LRIF1: variants seen among roughly 807,000 people sequenced by gnomAD.
LRIF1 encodes ligand-dependent nuclear receptor-interacting factor 1.
Under a neutral mutation model 52.7 loss-of-function variants are expected in LRIF1, and 32 were observed. The observed-to-expected ratio is 0.61, with a 90% CI of 0.46 to 0.82. The LOEUF (loss-of-function observed/expected upper bound fraction) is 0.82. LRIF1 is among the 40% of genes least tolerant of loss of function. LRIF1 has a pLI of 0.00. For missense variants in LRIF1, 887 were observed against 892.0 expected, an observed-to-expected ratio of 0.99 and a Z score of 0.07; for synonymous variants, 323 against 317.4, an observed-to-expected ratio of 1.02 and a Z score of -0.19.
chr1:110,947,018 C>T (rs1030026214), downstream of LRIF1, among the ~76,000 whole-genome samples: 4 of 152,068 alleles, frequency 2.6e-5, no homozygotes, highest in East Asian at 7.7e-4. Flanking sequence ...TCTCACTGTG[C>T]TGCCCAGGCT....
chr1:110,894,246 C>A, the LRIF1 span: 2 of 1,224,464 alleles, frequency 1.6e-6, no homozygotes, highest in East Asian at 4.6e-5. Context: ...CGTGCAAATG[C>A]CCCTGGATGC....
At chr1:110,891,172 A>G in the LRIF1 span, among the ~76,000 whole-genome samples, 54 of 152,364 alleles carry the variant, frequency 3.5e-4, no homozygotes, top group African/African-American at 1.2e-3. Context: ...AATGTTAAGC[A>G]TTGTTGGCTT....
Position 110,952,568 on chromosome 1 carries a change from A to C in LRIF1, c.316T>G (p.Tyr106Asp), listed in dbSNP as rs763115833. The C allele has an allele frequency of 2.1e-5, 34 of 1,613,882 alleles. No homozygotes were observed. The South Asian group carries it at 3.6e-4, about 17-fold the overall frequency. ...PIFQPASSSN[Y>D]FLTRTVDTSE... ...GTATCTACTGTTCTTGTAAGAAAAT[A>C]GTTTGAAGAACTGGCTGGCTGAAAA... The change falls in exon 2 of 4, where the codon TAT (tyrosine) becomes GAT (aspartate). Residue 106 changes from tyrosine to aspartate, a missense_variant. By Grantham distance (160) the Tyr-to-Asp change is radical. Transcript: ENST00000369763.
chr1:110,914,807 A>T, the LRIF1 span, among the ~76,000 whole-genome samples: 1 of 152,164 alleles, frequency 6.6e-6, no homozygotes, highest in South Asian at 2.1e-4. Flanking sequence ...TATATAAATA[A>T]TACAGATCTT....
intron 2 of LRIF1, among the ~76,000 whole-genome samples, 197 bp from the exon 3 acceptor site, chr1:110,950,320 A>G (rs919542867): frequency 7.9e-5 from 12 of 152,208 alleles, no homozygotes; most frequent in African/African-American, 2.9e-4. Context: ...TCCCCCCTAC[A>G]ATTTCTCAAT....
rs1466589579 is a variant in LRIF1 at position 110,951,742 on chromosome 1, T to C, written c.1142A>G (p.Gln381Arg). Reference protein sequence around the residue: ...GTDVLPSQIDQQNSVSPDTPV... With the variant: ...GTDVLPSQIDRQNSVSPDTPV... ...AGTATCAGGAGAAACAGAATTCTGT[T>C]GGTCAATTTGTGATGGCAGAACATC... is the stretch of plus-strand genomic sequence containing the variant. The change falls in exon 2 of 4, where the codon CAA (glutamine) becomes CGA (arginine). Residue 381 changes from glutamine (Q) to arginine (R), a missense_variant. Gln to Arg is a conservative substitution (Grantham distance 43). Coordinates refer to ENST00000369763, the MANE Select transcript of LRIF1 (RefSeq NM_018372.4). The C allele has an allele frequency of 6.2e-7, 1 of 1,613,518 alleles. No homozygotes were observed. Among genetic ancestry groups the C allele is most frequent in the Non-Finnish European group, 8.5e-7 (1 of 1,180,012 alleles).
At chr1:110,953,543 T>A (rs1658569556) in intron 1 of LRIF1, among the ~76,000 whole-genome samples, 1 of 152,214 alleles carries the variant, frequency 6.6e-6, no homozygotes, top group South Asian at 2.1e-4. Context: ...TGGAACAGAC[T>A]GGAAATCAAT....
chr1:110,957,345 C>T (rs189106749), intron 1 of LRIF1, among the ~76,000 whole-genome samples: 438 of 149,164 alleles, frequency 2.9e-3, no homozygotes, highest in Non-Finnish European at 4.6e-3. Flanking sequence ...TGGTAGCAAG[C>T]GCCTGTAGTC....
chr1:110,928,254 G>T, the LRIF1 span, among the ~76,000 whole-genome samples: 1 of 152,112 alleles, frequency 6.6e-6, no homozygotes, highest in East Asian at 1.9e-4. Flanking sequence ...ACTAAATTTT[G>T]TTTGTTGAAT....
the LRIF1 span, among the ~76,000 whole-genome samples, chr1:110,884,951 T>C: frequency 1.3e-5 from 2 of 152,198 alleles, no homozygotes; most frequent in Admixed American, 1.3e-4. Context: ...TACTGTGATA[T>C]TGGTATGGTT....
Position 110,951,778 on chromosome 1 carries a change from T to C in LRIF1, c.1106A>G (p.Lys369Arg), listed in dbSNP as rs776820012. ...TGATGGCAGAACATCTGTCCCCTTT[T>C]TAGCCAACAGATAGACTTTCCCATT... is the stretch of plus-strand genomic sequence containing the variant. ...MFNGKVYLLAKKGTDVLPSQI... is the reference protein window; with the variant it reads ...MFNGKVYLLARKGTDVLPSQI... The change falls in exon 2 of 4, where the codon AAA (lysine) becomes AGA (arginine). Residue 369 changes from lysine to arginine, a missense_variant. Coordinates refer to ENST00000369763, the MANE Select transcript of LRIF1 (RefSeq NM_018372.4). The C allele has an allele frequency of 1.2e-6, 2 of 1,612,742 alleles. No homozygotes were observed.
At chr1:110,946,762 C>T (rs1030403511), downstream of LRIF1, among the ~76,000 whole-genome samples, 1 of 149,804 alleles carries the variant, frequency 6.7e-6, no homozygotes, top group Admixed American at 6.7e-5. Flanking sequence ...CAGGTTCAAG[C>T]GATTCTCCTG....
At chr1:110,921,002 G>A in the LRIF1 span, among the ~76,000 whole-genome samples, 9,602 of 152,168 alleles carry the variant, frequency 0.063, 332 homozygotes, top group East Asian at 0.14. Flanking sequence ...TGTCTAAGAT[G>A]CAAGAATAAA....
the LRIF1 span, among the ~76,000 whole-genome samples, chr1:110,917,636 TTTTTTGTTTTTG>T: frequency 2.3e-5 from 2 of 88,072 alleles, no homozygotes; most frequent in African/African-American, 5.1e-5. Context: ...TTTTTTTTGT[TTTTTTGTTTTTG>T]TTTTTTTTTT....
the LRIF1 span, among the ~76,000 whole-genome samples, chr1:110,921,977 C>T: frequency 2.6e-5 from 4 of 152,274 alleles, no homozygotes; most frequent in South Asian, 6.2e-4. Context: ...CTCCTCCCAC[C>T]CTACAACCTT....
the LRIF1 span, among the ~76,000 whole-genome samples, chr1:110,905,337 A>T: frequency 1.4e-4 from 21 of 152,304 alleles, no homozygotes; most frequent in South Asian, 4.1e-3. Flanking sequence ...CAAGGCATTT[A>T]ATAAGCAGAC....
At chr1:110,934,114 A>C in the LRIF1 span, among the ~76,000 whole-genome samples, 2 of 152,148 alleles carry the variant, frequency 1.3e-5, no homozygotes, top group Admixed American at 1.3e-4. Flanking sequence ...GCTGCCTTGA[A>C]GGGAAGGACC....
chr1:110,897,821 A>G, the LRIF1 span: 1 of 1,608,266 alleles, frequency 6.2e-7, no homozygotes, highest in Non-Finnish European at 8.5e-7. Context: ...TTGCTATGCG[A>G]AAGCAAGACT....
At chr1:110,885,878 A>T in the LRIF1 span, among the ~76,000 whole-genome samples, 1 of 152,148 alleles carries the variant, frequency 6.6e-6, no homozygotes, top group Non-Finnish European at 1.5e-5. Flanking sequence ...AAATAAAAAT[A>T]AAAATGAATT....
Sources: gnomAD v4.1 joint callset for allele counts (sites outside exome capture counted in the v4.1 genomes callset) on GRCh38, gnomAD v4.1.1 for gene constraint, MANE v1.5 for transcripts, NCBI Gene and HGNC (gene_info 2026-07-23, HGNC 2026-07-21) for gene names.